DYRK2: variants seen among roughly 807,000 people sequenced by gnomAD.
DYRK2 encodes the protein dual specificity tyrosine phosphorylation regulated kinase 2, also known as dual specificity tyrosine-phosphorylation-regulated kinase 2.
Under a neutral mutation model 41.6 loss-of-function variants are expected in DYRK2, and 12 were observed. The observed-to-expected ratio is 0.29, with a 90% CI of 0.18 to 0.47. The LOEUF (loss-of-function observed/expected upper bound fraction) is 0.47. Ranked by LOEUF, DYRK2 falls within the 20% of genes least tolerant of loss-of-function variation. DYRK2 has a pLI of 1.00. For synonymous variants in DYRK2, 322 were observed against 315.7 expected, an observed-to-expected ratio of 1.02 and a Z score of -0.21; for missense variants, 678 against 798.4, an observed-to-expected ratio of 0.85 and a Z score of 1.82.
chr12:67,655,586 T>C (rs1872444901), intron 2 of DYRK2, among the ~76,000 whole-genome samples: 1 of 152,218 alleles, frequency 6.6e-6, no homozygotes, highest in African/African-American at 2.4e-5. Context: ...AAAGCTCAGT[T>C]ATAAGTCTAA....
chr12:67,661,504 T>C lies in DYRK2; in HGVS notation c.*2791T>C, dbSNP rs923475351. 6.0e-6 allele frequency: 1 copy of C among 167,062 alleles called. No homozygotes were observed. The highest frequency in any genetic ancestry group is 1.5e-5 in the Non-Finnish European group (1 of 68,100). The allele number at this position is 167,062 out of a possible 1,614,324, so 10.3% of individuals were successfully genotyped here. On this transcript the variant is annotated 3_prime_UTR_variant, in exon 3 of 3. Transcript: ENST00000344096. ...CTGTAGATTAACGGTAGAGGAGAAA[T>C]TGTGCCCTTAGTGTTAACAATGTGC...
At chr12:67,649,551 G>GC in intron 1 of DYRK2, 1 of 411,552 alleles carries the variant, frequency 2.4e-6, no homozygotes, top group East Asian at 3.9e-5. Flanking sequence ...CCCCGGCGCG[G>GC]CCCGGCTCCC....
At position 67,664,427 on chromosome 12, in the gene DYRK2, C is replaced by T. The variant is rs1872697155; in HGVS notation, c.*5714C>T. ...TATATTATGATTGTATCACATGTTCCAGAAGAGCATTACCCCTTACATAGA... is the reference window on the plus strand; with the variant it reads ...TATATTATGATTGTATCACATGTTCTAGAAGAGCATTACCCCTTACATAGA... On this transcript the variant is annotated 3_prime_UTR_variant, in exon 3 of 3. Coordinates refer to ENST00000344096, the MANE Select transcript of DYRK2 (RefSeq NM_006482.3). The T allele has an allele frequency of 6.6e-6, 1 of 152,028 alleles. No homozygotes were observed. Among genetic ancestry groups the T allele is most frequent in the Non-Finnish European group, 1.5e-5 (1 of 67,986 alleles). The allele number at this position is 152,028 out of a possible 1,614,324, so 9.4% of individuals were successfully genotyped here. A position where few individuals can be genotyped will look rare whatever the true frequency, so the allele number is the denominator to read the frequency against.
At position 67,649,149 on chromosome 12, in the gene DYRK2, C is replaced by A; in HGVS notation, c.16C>A (p.Pro6Thr). The change falls in exon 1 of 3, where the codon CCT becomes ACT. Residue 6 changes from proline to threonine, a missense_variant. Coordinates refer to ENST00000344096, the MANE Select transcript of DYRK2 (RefSeq NM_006482.3). ...TCCAGCGGCCATGTTAACCAGGAAA[C>A]CTTCGGCCGCCGCTCCCGCCGCCTA... Reference protein sequence around the residue: MLTRKPSAAAPAAYPT... With the variant: MLTRKTSAAAPAAYPT... The A allele has an allele frequency of 6.6e-7, 1 of 1,511,638 alleles. No individual in the cohort carries two copies. The highest frequency in any genetic ancestry group is 8.9e-7 in the Non-Finnish European group (1 of 1,126,418). 93.6% of individuals were successfully genotyped at this position (1,511,638 alleles called of 1,614,324 possible).
chr12:67,651,607 CGT>C (rs1393743929), intron 2 of DYRK2: 6 of 455,852 alleles, frequency 1.3e-5, no homozygotes, highest in Admixed American at 2.4e-5. Context: ...TTGTTTTTAA[CGT>C]GTGTGTAAAC....
chr12:67,656,144 C>T (rs1872462602), intron 2 of DYRK2, among the ~76,000 whole-genome samples: 1 of 152,196 alleles, frequency 6.6e-6, no homozygotes, highest in Non-Finnish European at 1.5e-5. Flanking sequence ...TCTCCTACCC[C>T]TTACCTCTCA....
In DYRK2 at chr12:67,665,402, G is replaced by A. The variant is rs920662651; in HGVS notation, c.*6689G>A. 1 of 152,130 alleles carries A rather than the reference G, an allele frequency of 6.6e-6. No individual in the cohort carries two copies. Among genetic ancestry groups the A allele is most frequent in the African/African-American group, 2.4e-5 (1 of 41,412 alleles). 9.4% of individuals were successfully genotyped at this position (152,130 alleles called of 1,614,324 possible). ...GGACCAGCAGCAAATAAATGTATGA[G>A]TACATTTGGGCGAATTTGTCATCTT... On this transcript the variant is annotated 3_prime_UTR_variant, in exon 3 of 3. Coordinates refer to ENST00000344096, the MANE Select transcript of DYRK2 (RefSeq NM_006482.3).
intron 1 of DYRK2, 127 bp from the exon 2 acceptor site, chr12:67,649,670 T>C: frequency 9.0e-7 from 1 of 1,105,418 alleles, no homozygotes; most frequent in East Asian, 3.2e-5. Context: ...CCGTTTTTAC[T>C]GCCCCGGTCT....
rs1215819958 is a variant in DYRK2, at chr12:67,664,765, A to T, written c.*6052A>T. The T allele has an allele frequency of 6.6e-6, 1 of 152,186 alleles. No homozygotes were observed. Among genetic ancestry groups the T allele is most frequent in the African/African-American group, 2.4e-5 (1 of 41,454 alleles). The allele number at this position is 152,186 out of a possible 1,614,324, so 9.4% of individuals were successfully genotyped here. ...ATTTTTCAAATGGGACAAACTAAAA[A>T]GTTGAGGACTAGAGCATCGTAGTGT... On this transcript the variant is annotated 3_prime_UTR_variant, in exon 3 of 3. Transcript: ENST00000344096.
chr12:67,649,354 C>A (rs1295484696), intron 1 of DYRK2, among the ~76,000 whole-genome samples, 172 bp downstream of exon 1: 2 of 151,438 alleles, frequency 1.3e-5, no homozygotes, highest in Admixed American at 1.3e-4. Flanking sequence ...TGTGCGCGGC[C>A]CCGAAGGCCC....
chr12:67,654,714 G>A (rs574452300), intron 2 of DYRK2, among the ~76,000 whole-genome samples: 5 of 152,224 alleles, frequency 3.3e-5, no homozygotes, highest in South Asian at 4.1e-4. Flanking sequence ...ATCAAAAATG[G>A]AGGATTATGG....
intron 1 of DYRK2, 56 bp downstream of exon 1, chr12:67,649,238 C>T (rs1020674804): frequency 2.9e-5 from 37 of 1,288,940 alleles, no homozygotes; most frequent in South Asian, 4.7e-5. Context: ...CCCTGGGCAG[C>T]CCCTGTGGCG....
intron 2 of DYRK2, among the ~76,000 whole-genome samples, chr12:67,650,447 G>A (rs1872287683): frequency 6.6e-6 from 1 of 152,244 alleles, no homozygotes; most frequent in Non-Finnish European, 1.5e-5. Context: ...TCCCCCGCGT[G>A]TGTAAGCATG....
chr12:67,649,499 C>T (rs965477804), intron 1 of DYRK2, among the ~76,000 whole-genome samples: 2 of 151,718 alleles, frequency 1.3e-5, no homozygotes, highest in Admixed American at 1.3e-4. Flanking sequence ...CTGTCCAAAC[C>T]CACCTCCCGG....
rs749919220 is a variant in DYRK2 at position 67,658,551 on chromosome 12, G to A, written c.1644G>A (p.Thr548=). The change falls in exon 3 of 3, where the codon ACG becomes ACA. Residue 548 remains threonine, a synonymous_variant. Transcript: ENST00000344096. The surrounding 1 kb of genome is among the most constrained non-coding windows in gnomAD (Gnocchi z 4.3). ...CAAAGCCTCCCACCGGGGAGAAAAC[G>A]TCAGTGAAAAGGATAACTGAGAGCA... ...RLPKPPTGEK[T]SVKRITESTG... 14 of 1,613,976 alleles carry A rather than the reference G, an allele frequency of 8.7e-6. No individual in the cohort carries two copies. Among genetic ancestry groups the A allele is most frequent in the African/African-American group, 6.7e-5 (5 of 74,920 alleles).
At chr12:67,649,758 C>T (rs372712630) in intron 1 of DYRK2, 39 bp from the exon 2 acceptor site, 3 of 1,310,488 alleles carry the variant, frequency 2.3e-6, no homozygotes, top group East Asian at 5.6e-5. Context: ...CTTTCTCCCC[C>T]CTGACCCTCT....
Position 67,664,860 on chromosome 12 carries a change from T to C in DYRK2, c.*6147T>C, listed in dbSNP as rs1205951127. ...TAATTTGTAAGAGAGTGACTTCTCA[T>C]TGTTATTTGTGGAGAGGCTAATTAT... On this transcript the variant is annotated 3_prime_UTR_variant, in exon 3 of 3. Coordinates refer to ENST00000344096, the MANE Select transcript of DYRK2 (RefSeq NM_006482.3). 6.6e-6 allele frequency: 1 copy of C among 152,170 alleles called. No homozygotes were observed. The highest frequency in any genetic ancestry group is 1.5e-5 in the Non-Finnish European group (1 of 67,990). 9.4% of individuals were successfully genotyped at this position (152,170 alleles called of 1,614,324 possible). A position where few individuals can be genotyped will look rare whatever the true frequency, so the allele number is the denominator to read the frequency against.
intron 2 of DYRK2, among the ~76,000 whole-genome samples, chr12:67,650,637 G>T (rs961784045): frequency 2.0e-5 from 3 of 152,238 alleles, no homozygotes; most frequent in Non-Finnish European, 4.4e-5. Context: ...AACAGGTGCT[G>T]TGGTCTCTGG....
rs141778654 is a variant in DYRK2, at chr12:67,665,301, A to G, written c.*6588A>G. 4 of 152,204 alleles carry G rather than the reference A, an allele frequency of 2.6e-5. No individual in the cohort carries two copies. The highest frequency in any genetic ancestry group is 2.6e-4 in the Admixed American group (4 of 15,274). The allele number at this position is 152,204 out of a possible 1,614,324, so 9.4% of individuals were successfully genotyped here. On this transcript the variant is annotated 3_prime_UTR_variant, in exon 3 of 3. Transcript: ENST00000344096. The stretch of plus-strand genomic sequence containing the variant: ...AAGCAAAAGCCCATGAAAAGCCCCA[A>G]ATCATTTAAGTAAAGCTTACTGAAT...
Sources: allele counts gnomAD v4.1 joint callset (sites outside exome capture counted in the v4.1 genomes callset), GRCh38; gene constraint gnomAD v4.1.1; non-coding constraint Gnocchi (gnomAD v3.1); transcripts MANE v1.5; gene names NCBI Gene and HGNC (gene_info 2026-07-23, HGNC 2026-07-21).